B4GALT6: variants seen among roughly 807,000 people sequenced by gnomAD.
The protein encoded by B4GALT6 is beta-1,4-galactosyltransferase 6.
A neutral mutation model predicts 46.3 loss-of-function variants in B4GALT6; 14 were observed. The ratio of observed to expected loss-of-function variants is 0.30; its 90% confidence interval spans 0.20 to 0.47. B4GALT6 has a LOEUF of 0.47. B4GALT6 is among the 20% of genes least tolerant of loss of function. The pLI, the probability that B4GALT6 is intolerant of heterozygous loss-of-function variation, is 0.99. For missense variants in B4GALT6, 386 were observed against 480.1 expected, an observed-to-expected ratio of 0.80 and a Z score of 1.83; for synonymous variants, 168 against 162.0, an observed-to-expected ratio of 1.04 and a Z score of -0.28.
chr18:31,672,671 C>T (rs552179551), intron 1 of B4GALT6, among the ~76,000 whole-genome samples: 27 of 152,296 alleles, frequency 1.8e-4, no homozygotes, highest in Non-Finnish European at 3.4e-4. Flanking sequence ...ATATACTAAC[C>T]TATGTAATCC....
chr18:31,684,600 CGGAATGAATGGGA>C (rs1206481697), upstream of B4GALT6: 5 of 1,175,634 alleles, frequency 4.3e-6, no homozygotes, highest in East Asian at 2.7e-4. Flanking sequence ...AGGGAGCGGA[CGGAATGAATGGGA>C]GGCCAGAGAG....
the B4GALT6 span, among the ~76,000 whole-genome samples, chr18:31,703,627 G>A: frequency 6.6e-6 from 1 of 152,236 alleles, no homozygotes; most frequent in Admixed American, 6.5e-5. Context: ...AGCAGTATAG[G>A]AGAGATGCAG....
chr18:31,637,858 T>C (rs2073879531), intron 5 of B4GALT6, among the ~76,000 whole-genome samples: 1 of 152,232 alleles, frequency 6.6e-6, no homozygotes, highest in African/African-American at 2.4e-5. Flanking sequence ...CTTTGAGTTG[T>C]ACCAGTTATG....
intron 1 of B4GALT6, among the ~76,000 whole-genome samples, chr18:31,671,315 T>C (rs898891530): frequency 7.9e-5 from 12 of 152,196 alleles, no homozygotes; most frequent in African/African-American, 2.9e-4. Flanking sequence ...CCTTGAGGAA[T>C]TGCCACACTG....
chr18:31,629,447 A>ATTTTTTTTTTTTTTTTTTTTTTTTTTTT lies in B4GALT6; in HGVS notation c.776+1484_776+1511dup, dbSNP rs869030382. ...ATTCTTAGTTTATATGCCCTTTATG[A>ATTTTTTTTTTTTTTTTTTTTTTTTTTTT]TTTTTTTTTTTTTTTTTTTTTTTTT... On this transcript the variant is annotated intron_variant, in intron 6 of 8. Coordinates refer to ENST00000306851, the MANE Select transcript of B4GALT6 (RefSeq NM_004775.5). Among the ~76,000 whole-genome samples, 9 of 32,884 alleles carry ATTTTTTTTTTTTTTTTTTTTTTTTTTTT rather than the reference A, an allele frequency of 2.7e-4. 3 individuals are homozygous for ATTTTTTTTTTTTTTTTTTTTTTTTTTTT. The highest frequency in any genetic ancestry group is 4.2e-4 in the Non-Finnish European group (7 of 16,680). 21.6% of individuals were successfully genotyped at this position (32,884 alleles called of 152,430 possible).
At chr18:31,716,535 T>C in the B4GALT6 span, among the ~76,000 whole-genome samples, 1 of 152,262 alleles carries the variant, frequency 6.6e-6, no homozygotes, top group East Asian at 1.9e-4. Context: ...TACACTGCAG[T>C]GAACAGGGTC....
intron 1 of B4GALT6, among the ~76,000 whole-genome samples, chr18:31,667,418 A>G (rs1257862276): frequency 6.6e-6 from 1 of 152,228 alleles, no homozygotes; most frequent in Admixed American, 6.5e-5. Flanking sequence ...GACACTCTCC[A>G]AAGATGAATG....
intron 3 of B4GALT6, among the ~76,000 whole-genome samples, chr18:31,655,266 T>G (rs2074123766): frequency 6.6e-6 from 1 of 152,184 alleles, no homozygotes; most frequent in African/African-American, 2.4e-5. Flanking sequence ...GTGGCTGTAT[T>G]TTCTACCAAA....
chr18:31,648,650 G>A (rs1355872211), intron 3 of B4GALT6, among the ~76,000 whole-genome samples: 1 of 152,174 alleles, frequency 6.6e-6, no homozygotes, highest in African/African-American at 2.4e-5. Context: ...GCATGCATGG[G>A]CCCAAACAAC....
At chr18:31,710,737 C>A in the B4GALT6 span, among the ~76,000 whole-genome samples, 1,889 of 151,972 alleles carry the variant, frequency 0.012, 43 homozygotes, top group African/African-American at 0.043. Flanking sequence ...TTTGCCCTGG[C>A]AGCCCCAGAA....
chr18:31,698,635 GA>G, the B4GALT6 span, among the ~76,000 whole-genome samples: 21,545 of 124,956 alleles, frequency 0.17, 1,521 homozygotes, highest in African/African-American at 0.2. Flanking sequence ...TATCTCAAAA[GA>G]AAAAAAAAAA....
At chr18:31,684,712 G>A (rs1168925699), upstream of B4GALT6, 7 of 1,153,792 alleles carry the variant, frequency 6.1e-6, no homozygotes, top group Admixed American at 7.3e-5. Context: ...CGGCAGGACG[G>A]AAGAAAGCCG....
chr18:31,646,223 A>G (rs943138948), intron 3 of B4GALT6, among the ~76,000 whole-genome samples: 3 of 152,254 alleles, frequency 2.0e-5, no homozygotes, highest in African/African-American at 4.8e-5. Context: ...CTTCTGAGGT[A>G]TTCCTGGTCT....
intron 5 of B4GALT6, among the ~76,000 whole-genome samples, chr18:31,636,811 A>ATTTATT (rs199614445): frequency 5.9e-5 from 9 of 152,072 alleles, no homozygotes; most frequent in African/African-American, 1.2e-4. Context: ...CTTTTTTTCA[A>ATTTATT]TTTATTTTTA....
intron 2 of B4GALT6, among the ~76,000 whole-genome samples, chr18:31,665,918 G>C (rs934310128): frequency 1.3e-5 from 2 of 152,182 alleles, no homozygotes; most frequent in Non-Finnish European, 2.9e-5. Flanking sequence ...CATAAAGAGA[G>C]ATGGTAGTAT....
the B4GALT6 span, chr18:31,724,327 G>T: frequency 1.6e-6 from 1 of 632,580 alleles, no homozygotes; most frequent in Non-Finnish European, 2.3e-6. Flanking sequence ...GTGGCTACTA[G>T]TCCAGGCGGC....
intron 1 of B4GALT6, among the ~76,000 whole-genome samples, chr18:31,669,985 T>C (rs2144701885): frequency 6.6e-6 from 1 of 152,280 alleles, no homozygotes; most frequent in South Asian, 2.1e-4. Flanking sequence ...ATTATATGCA[T>C]TATTATGTTT....
chr18:31,690,930 A>T, the B4GALT6 span, among the ~76,000 whole-genome samples: 1 of 152,102 alleles, frequency 6.6e-6, no homozygotes, highest in Non-Finnish European at 1.5e-5. Flanking sequence ...TCTCACTCAA[A>T]GTGGGAGGTG....
intron 1 of B4GALT6, among the ~76,000 whole-genome samples, chr18:31,675,185 T>C (rs1258967214): frequency 6.6e-6 from 1 of 152,252 alleles, no homozygotes; most frequent in Non-Finnish European, 1.5e-5. Flanking sequence ...AGTTTAACAA[T>C]TTTAAGTTAT....
Sources: allele counts gnomAD v4.1 joint callset (sites outside exome capture counted in the v4.1 genomes callset), GRCh38; gene constraint gnomAD v4.1.1; transcripts MANE v1.5; gene names NCBI Gene and HGNC (gene_info 2026-07-23, HGNC 2026-07-21).